The following HNF1B variants were observed in gnomAD, a reference collection of about 807,000 sequenced individuals.
The protein encoded by HNF1B is hepatocyte nuclear factor 1-beta.
A neutral mutation model predicts 61.7 loss-of-function variants in HNF1B; 8 were observed. The ratio of observed to expected loss-of-function variants is 0.13; its 90% confidence interval spans 0.08 to 0.23. The LOEUF (loss-of-function observed/expected upper bound fraction) is 0.23, where lower values mean the gene tolerates loss of function less well. HNF1B is among the 10% of genes least tolerant of loss of function. The pLI, the probability that HNF1B is intolerant of heterozygous loss-of-function variation, is 1.00. For synonymous variants in HNF1B, 314 were observed against 287.7 expected (o/e 1.09, Z -0.93); for missense variants, 562 against 714.5 (o/e 0.79, Z 2.43).
intron 4 of HNF1B, among the ~76,000 whole-genome samples, chr17:37,723,859 T>A (rs1377318984): frequency 6.6e-6 from 1 of 152,216 alleles, no homozygotes; most frequent in Non-Finnish European, 1.5e-5. Context: ...TATTTAATTC[T>A]TCCAGCATCT....
Position 37,687,357 on chromosome 17 carries a change from AGTGGT to A in HNF1B, c.*10_*14del. ...GGTCCTTGTTGTTGCGCACGAAGTAAGTGGTGTGTGGGCATCACCAGGCTTGTAGA... is the reference window on the plus strand; with the variant it reads ...GGTCCTTGTTGTTGCGCACGAAGTAAGTGTGGGCATCACCAGGCTTGTAGA... On this transcript the variant is annotated 3_prime_UTR_variant, in exon 9 of 9. Coordinates refer to ENST00000617811, the MANE Select transcript of HNF1B (RefSeq NM_000458.4). 1 of 1,614,084 alleles carries A rather than the reference AGTGGT, an allele frequency of 6.2e-7. No individual in the cohort carries two copies. The highest frequency in any genetic ancestry group is 1.3e-5 in the African/African-American group (1 of 75,040).
rs1456260520 is a variant in HNF1B, at chr17:37,699,100, G to A, written c.1629C>T (p.Leu543=). The A allele has an allele frequency of 1.2e-6, 2 of 1,613,626 alleles. No homozygotes were observed. The highest frequency in any genetic ancestry group is 1.7e-5 in the Admixed American group (1 of 60,002). Residue 543 remains leucine, a synonymous_variant, in exon 8 of 9, where the codon CTC becomes CTT. Transcript: ENST00000617811. ...VVTDTSSIST[L]TNMSSSKQCP... ...CCTGTTTACTTGAAGACATGTTGGT[G>A]AGTGTACTGATGCTGCTGGTATCTG...
chr17:37,723,175 TAA>T (rs549820938), intron 4 of HNF1B, among the ~76,000 whole-genome samples: 8 of 141,198 alleles, frequency 5.7e-5, no homozygotes, highest in Non-Finnish European at 7.8e-5. Flanking sequence ...CCGTCTCTAC[TAA>T]AAAAAAAAAA....
At chr17:37,737,435 C>A (rs1388918899) in intron 2 of HNF1B, among the ~76,000 whole-genome samples, 1 of 152,170 alleles carries the variant, frequency 6.6e-6, no homozygotes, top group Non-Finnish European at 1.5e-5. Context: ...CCTATGTATT[C>A]CATAGCTTAG....
At chr17:37,700,426 C>T (rs2032526414) in intron 7 of HNF1B, among the ~76,000 whole-genome samples, 1 of 152,192 alleles carries the variant, frequency 6.6e-6, no homozygotes, top group South Asian at 2.1e-4. Context: ...AACTCTAATG[C>T]CCAGGATGGC....
intron 2 of HNF1B, among the ~76,000 whole-genome samples, chr17:37,735,893 G>GGA (rs2147560992): frequency 1.3e-5 from 2 of 152,180 alleles, no homozygotes; most frequent in African/African-American, 4.8e-5. Context: ...CAAGTAGCTG[G>GGA]GACTACGGAT....
chr17:37,709,257 A>T (rs1598813666), intron 5 of HNF1B, among the ~76,000 whole-genome samples: 1 of 151,966 alleles, frequency 6.6e-6, no homozygotes, highest in Non-Finnish European at 1.5e-5. Flanking sequence ...GTTATTATTA[A>T]TTATTATTTT....
chr17:37,705,302 T>C (rs1394978114), intron 5 of HNF1B, among the ~76,000 whole-genome samples: 1 of 152,092 alleles, frequency 6.6e-6, no homozygotes, highest in Non-Finnish European at 1.5e-5. Flanking sequence ...AAATCATCTC[T>C]ACAAAAAAAG....
intron 5 of HNF1B, among the ~76,000 whole-genome samples, chr17:37,707,574 T>C (rs1278006475): frequency 6.6e-6 from 1 of 152,194 alleles, no homozygotes; most frequent in Non-Finnish European, 1.5e-5. Context: ...ATACCTATAA[T>C]CTATAAGGTT....
In HNF1B at chr17:37,733,785, G is replaced by A. The variant is rs772987581; in HGVS notation, c.581C>T (p.Thr194Ile). Residue 194 changes from threonine (T) to isoleucine (I), a missense_variant, in exon 3 of 9, where the codon ACA becomes ATA. By Grantham distance (89) the Thr-to-Ile change is moderately conservative (BLOSUM62 -1). This residue lies in a region of HNF1B where 69 missense variants were observed against 81.2 expected (regional missense o/e 0.85). Transcript: ENST00000617811. ...CAGCTGATCCTGACTGCTTTTGTCT[G>A]TCATATTTCCAGAACTCTGGACTGT... ...NQTVQSSGNM[T>I]DKSSQDQLLF... 2 of 1,614,174 alleles carry A rather than the reference G, an allele frequency of 1.2e-6. No homozygotes were observed. Among genetic ancestry groups the A allele is most frequent in the South Asian group, 1.1e-5 (1 of 91,082 alleles).
At chr17:37,697,882 C>G (rs2032437561) in intron 8 of HNF1B, among the ~76,000 whole-genome samples, 1 of 152,138 alleles carries the variant, frequency 6.6e-6, no homozygotes, top group South Asian at 2.1e-4. Flanking sequence ...GTTACTTAAT[C>G]TACGCAAGCT....
At chr17:37,700,649 T>A (rs2032534195) in intron 7 of HNF1B, among the ~76,000 whole-genome samples, 1 of 152,120 alleles carries the variant, frequency 6.6e-6, no homozygotes, top group African/African-American at 2.4e-5. Flanking sequence ...AAGGTGCTGG[T>A]GGTTTATGGA....
Position 37,710,523 on chromosome 17 carries a change from G to C in HNF1B, c.1186C>G (p.Leu396Val). ...PASLDPGHNL[L>V]SPDGKMISVS... ...CTCACCATTTTACCATCAGGTGAGAGGAGATTGTGGCCTGGGTCCAGGCTG... is the reference window on the plus strand; with the variant it reads ...CTCACCATTTTACCATCAGGTGAGACGAGATTGTGGCCTGGGTCCAGGCTG... Residue 396 changes from leucine to valine, a missense_variant, in exon 5 of 9, where the codon CTC (leucine) becomes GTC (valine). Transcript: ENST00000617811. 1 of 1,614,230 alleles carries C rather than the reference G, an allele frequency of 6.2e-7. No individual in the cohort carries two copies. Among genetic ancestry groups the C allele is most frequent in the Non-Finnish European group, 8.5e-7 (1 of 1,180,052 alleles).
chr17:37,701,255 C>CGGGG, intron 6 of HNF1B, 78 bp from the exon 7 acceptor site: 10 of 1,355,028 alleles, frequency 7.4e-6, no homozygotes, highest in Non-Finnish European at 1.0e-5. Flanking sequence ...TTTGAGCCCC[C>CGGGG]GCTCAATGTC....
At chr17:37,701,232 A>G in intron 6 of HNF1B, 55 bp from the exon 7 acceptor site, 2 of 1,504,818 alleles carry the variant, frequency 1.3e-6, no homozygotes, top group Non-Finnish European at 1.8e-6. Flanking sequence ...GGAGAGGTGG[A>G]TGGATGCCAT....
chr17:37,708,292 G>C (rs562081868), intron 5 of HNF1B, among the ~76,000 whole-genome samples: 7 of 152,198 alleles, frequency 4.6e-5, no homozygotes, highest in Non-Finnish European at 8.8e-5. Flanking sequence ...ATGCACTAGG[G>C]TGTTGGAGAC....
Position 37,733,841 on chromosome 17 carries a change from G to C in HNF1B, c.545-20C>G. On this transcript the variant is annotated intron_variant, in intron 2 of 8. Transcript: ENST00000617811. The stretch of plus-strand genomic sequence containing the variant: ...TGAATTCTGAAAAGAGAAAGGAGTA[G>C]ATTTGATAGGGTCTGTAGCCTTCAC... 2 of 1,613,128 alleles carry C rather than the reference G, an allele frequency of 1.2e-6. No individual in the cohort carries two copies. Among genetic ancestry groups the C allele is most frequent in the African/African-American group, 1.3e-5 (1 of 74,806 alleles).
At chr17:37,740,647 A>T (rs1350333221) in intron 1 of HNF1B, among the ~76,000 whole-genome samples, 3 of 152,158 alleles carry the variant, frequency 2.0e-5, no homozygotes, top group Non-Finnish European at 2.9e-5. Flanking sequence ...AAAAAAAAAA[A>T]AAATCCACAG....
In HNF1B at chr17:37,710,484, A is replaced by G; in HGVS notation, c.1206+19T>C. 1 of 1,614,134 alleles carries G rather than the reference A, an allele frequency of 6.2e-7. No individual in the cohort carries two copies. Among genetic ancestry groups the G allele is most frequent in the South Asian group, 1.1e-5 (1 of 91,078 alleles). On this transcript the variant is annotated intron_variant, in intron 5 of 8. Transcript: ENST00000617811. ...TTATCTTATCAGCTCCAGAGCGACAATGGCCCAGGTGTACTCACCATTTTA... is the reference window on the plus strand; with the variant it reads ...TTATCTTATCAGCTCCAGAGCGACAGTGGCCCAGGTGTACTCACCATTTTA...
Sources: gnomAD v4.1 joint callset for allele counts (sites outside exome capture counted in the v4.1 genomes callset) on GRCh38, gnomAD v4.1.1 for gene constraint, gnomAD v4.1.1 regional missense constraint, MANE v1.5 for transcripts, NCBI Gene and HGNC (gene_info 2026-07-23, HGNC 2026-07-21) for gene names.